Variants in PRSS55 observed in about 807,000 individuals in gnomAD.
The protein encoded by PRSS55 is serine protease 55.
Under a neutral mutation model 23.6 loss-of-function variants are expected in PRSS55, and 41 were observed. That is an observed-to-expected ratio of 1.74 (90% CI 1.35 to 2.26). PRSS55 has a LOEUF of 2.26. PRSS55 is among the 30% of genes most tolerant of loss of function. The pLI is 0.00. For missense variants in PRSS55, 669 were observed against 439.1 expected (o/e 1.52, Z -4.68); for synonymous variants, 262 against 175.5 (o/e 1.49, Z -3.90).
chr8:10,548,973 G>A (rs528246780), intron 4 of PRSS55, among the ~76,000 whole-genome samples: 2 of 152,262 alleles, frequency 1.3e-5, no homozygotes, highest in South Asian at 4.2e-4. Context: ...TTATCGGAAC[G>A]CAGCCACGCC....
At chr8:10,546,301 T>A (rs1812815880) in intron 4 of PRSS55, among the ~76,000 whole-genome samples, 1 of 152,152 alleles carries the variant, frequency 6.6e-6, no homozygotes, top group South Asian at 2.1e-4. Flanking sequence ...CACTGAACAC[T>A]CAGGGAACTA....
chr8:10,529,744 C>T (rs1292750868), intron 2 of PRSS55, 45 bp downstream of exon 2: 2 of 1,554,434 alleles, frequency 1.3e-6, no homozygotes, highest in Non-Finnish European at 1.8e-6. Flanking sequence ...GGGCGCCCAC[C>T]CCTGGGGCAC....
intron 1 of PRSS55, among the ~76,000 whole-genome samples, chr8:10,526,116 C>T (rs1452038421): frequency 3.3e-5 from 5 of 152,164 alleles, no homozygotes; most frequent in African/African-American, 1.2e-4. Context: ...AGGCCAAGTG[C>T]AAGGGTGCTT....
intron 4 of PRSS55, among the ~76,000 whole-genome samples, chr8:10,548,980 C>T (rs907687131): frequency 3.3e-5 from 5 of 152,158 alleles, no homozygotes; most frequent in East Asian, 1.9e-4. Flanking sequence ...AACGCAGCCA[C>T]GCCTCTTCCC....
downstream of PRSS55, among the ~76,000 whole-genome samples, chr8:10,543,263 A>T (rs1812711087): frequency 6.6e-6 from 1 of 152,092 alleles, no homozygotes; most frequent in African/African-American, 2.4e-5. Context: ...CCCTTGGAGA[A>T]TGTAAGCCCG....
intron 1 of PRSS55, among the ~76,000 whole-genome samples, chr8:10,528,952 G>A (rs117653797): frequency 6.6e-6 from 1 of 152,104 alleles, no homozygotes; most frequent in South Asian, 2.1e-4. Context: ...CCCTCTGCCT[G>A]ACTTCCTGCT....
chr8:10,534,233 G>A (rs1394600892), intron 4 of PRSS55, among the ~76,000 whole-genome samples: 15 of 152,154 alleles, frequency 9.9e-5, no homozygotes, highest in African/African-American at 9.7e-5. Flanking sequence ...CTAAAAGCAC[G>A]GGATAGTATC....
intron 4 of PRSS55, among the ~76,000 whole-genome samples, chr8:10,548,723 C>T (rs1005904610): frequency 6.6e-6 from 1 of 152,222 alleles, no homozygotes; most frequent in Admixed American, 6.5e-5. Context: ...GCACCCACGG[C>T]TCCAAAGCCT....
rs535561016 is a variant in PRSS55, at chr8:10,532,971, T to C, written c.664T>C (p.Cys222Arg). The C allele has an allele frequency of 3.7e-6, 6 of 1,613,692 alleles. No homozygotes were observed. In the Admixed American group the frequency reaches 6.7e-5, roughly 18 times the overall value. ...APMVIMDWEE[C>R]SKMFPKLTKN... is the part of the protein sequence containing the mutation. ...AATGGTCATCATGGACTGGGAGGAG[T>C]GTTCAAAGATGTTTCCAAAACTTAC... The change falls in exon 4 of 5, where the codon TGT becomes CGT. Residue 222 changes from cysteine (C) to arginine (R), a missense_variant. By Grantham distance (180) the Cys-to-Arg change is radical. Coordinates refer to ENST00000328655, the MANE Select transcript of PRSS55 (RefSeq NM_198464.4).
At position 10,553,947 on chromosome 8, in the gene PRSS55, G is replaced by T. The variant is rs953634566; in HGVS notation, c.746G>T (p.Ser249Ile). The T allele has an allele frequency of 2.6e-5, 40 of 1,515,634 alleles. No homozygotes were observed. The African/African-American group carries it at 5.0e-4, about 19-fold the overall frequency. The allele number at this position is 1,515,634 out of a possible 1,614,324, so 93.9% of individuals were successfully genotyped here. ...AATTTAATTTTTTTTTTAAAGCAAA[G>T]CTATTTTCCCACTTTACAAAGAATG... Residue 249 changes from serine to isoleucine, a missense_variant, in exon 5 of 5, where the codon AGC becomes ATC. Physicochemically the swap from Ser to Ile is moderately radical, Grantham distance 142. Transcript: ENST00000522210.
At chr8:10,550,819 C>A (rs560643841) in intron 4 of PRSS55, among the ~76,000 whole-genome samples, 1 of 152,184 alleles carries the variant, frequency 6.6e-6, no homozygotes, top group African/African-American at 2.4e-5. Context: ...TGTGTGCATG[C>A]GTGTGTGTGC....
chr8:10,539,849 G>T (rs1057405335), downstream of PRSS55, among the ~76,000 whole-genome samples: 1 of 152,218 alleles, frequency 6.6e-6, no homozygotes, highest in African/African-American at 2.4e-5. Context: ...TTTATCAGCT[G>T]TGTGGAAACG....
At chr8:10,542,419 G>GGGAGGAA (rs60800512), downstream of PRSS55, among the ~76,000 whole-genome samples, 1 of 133,504 alleles carries the variant, frequency 7.5e-6, no homozygotes, top group Non-Finnish European at 1.6e-5. Context: ...CCATGCGGGG[G>GGGAGGAA]AAAAAAAAAA....
At chr8:10,545,509 T>G (rs564404717) in intron 4 of PRSS55, among the ~76,000 whole-genome samples, 356 of 152,320 alleles carry the variant, frequency 2.3e-3, no homozygotes, top group Middle Eastern at 0.017. Context: ...TATCTCTTCT[T>G]GGGCCAGTAA....
At chr8:10,532,105 G>A (rs766036379) in intron 3 of PRSS55, among the ~76,000 whole-genome samples, 3 of 152,170 alleles carry the variant, frequency 2.0e-5, no homozygotes, top group Non-Finnish European at 4.4e-5. Context: ...GGGAGGGGAG[G>A]GGATGAGAAC....
chr8:10,549,023 C>T (rs6981847), intron 4 of PRSS55, among the ~76,000 whole-genome samples: 118,219 of 152,100 alleles, frequency 0.78, 47,341 homozygotes, highest in East Asian at 1. Flanking sequence ...GCTGTATATA[C>T]AGGCATAAGC....
At chr8:10,549,181 A>C (rs1812896383) in intron 4 of PRSS55, among the ~76,000 whole-genome samples, 1 of 152,144 alleles carries the variant, frequency 6.6e-6, no homozygotes, top group Non-Finnish European at 1.5e-5. Context: ...GCTAGGATGG[A>C]GGCGGGGGCA....
At chr8:10,538,956 G>T (rs1428516983), downstream of PRSS55, 2 of 600,982 alleles carry the variant, frequency 3.3e-6, no homozygotes, top group African/African-American at 3.7e-5. Flanking sequence ...TGCACTTTGG[G>T]TCTGTGGATT....
downstream of PRSS55, chr8:10,538,925 C>A: frequency 1.1e-6 from 1 of 894,530 alleles, no homozygotes; most frequent in Non-Finnish European, 1.6e-6. Context: ...GAGAGTCACC[C>A]TGGGTCCCTG....
Sources: allele counts gnomAD v4.1 joint callset (sites outside exome capture counted in the v4.1 genomes callset), GRCh38; gene constraint gnomAD v4.1.1; transcripts MANE v1.5; gene names NCBI Gene and HGNC (gene_info 2026-07-23, HGNC 2026-07-21).